Variants in LYZL2 observed in about 807,000 individuals in gnomAD.
The protein encoded by LYZL2 is lysozyme like 2.
LYZL2 carries 13 observed loss-of-function variants against 17.1 expected under a neutral mutation model. The ratio of observed to expected loss-of-function variants is 0.76; its 90% CI spans 0.49 to 1.21. The LOEUF (loss-of-function observed/expected upper bound fraction) is 1.21, where lower values mean the gene tolerates loss of function less well. LYZL2 is among the 50% of genes most tolerant of loss of function. LYZL2 has a pLI of 0.00. For synonymous variants in LYZL2, 63 were observed against 74.4 expected, an observed-to-expected ratio of 0.85 and a Z score of 0.79; for missense variants, 166 against 189.2, an observed-to-expected ratio of 0.88 and a Z score of 0.72.
At chr10:30,612,308 G>T (rs1838458595) in intron 4 of LYZL2, among the ~76,000 whole-genome samples, 1 of 152,186 alleles carries the variant, frequency 6.6e-6, no homozygotes. Flanking sequence ...CCTGAGTGGG[G>T]CCGGCTGGCA....
intron 3 of LYZL2, among the ~76,000 whole-genome samples, chr10:30,620,804 C>G (rs1838607322): frequency 6.7e-6 from 1 of 150,326 alleles, no homozygotes; most frequent in Non-Finnish European, 1.5e-5. Flanking sequence ...ATTATGATGC[C>G]AAATAAAAAA....
chr10:30,614,090 C>A (rs1419785622), intron 3 of LYZL2, among the ~76,000 whole-genome samples: 1 of 152,188 alleles, frequency 6.6e-6, no homozygotes, highest in Non-Finnish European at 1.5e-5. Context: ...TTCTTTCCTG[C>A]TTGCTTAGAA....
At chr10:30,616,867 TATACTTTTAATTTTTCTA>T (rs1838535550) in intron 3 of LYZL2, among the ~76,000 whole-genome samples, 2 of 17,480 alleles carry the variant, frequency 1.1e-4, no homozygotes, top group South Asian at 1.6e-3. Context: ...ATAATGAAAA[TATACTTTTAATTTTTCTA>T]GTAATTATTT....
chr10:30,613,326 ATC>A (rs1838475433), intron 3 of LYZL2, among the ~76,000 whole-genome samples: 2 of 152,078 alleles, frequency 1.3e-5, no homozygotes, highest in Non-Finnish European at 2.9e-5. Flanking sequence ...GCAAGACCTC[ATC>A]TCTACAAAAT....
chr10:30,624,036 C>T (rs1303529890), intron 3 of LYZL2, among the ~76,000 whole-genome samples: 1 of 152,166 alleles, frequency 6.6e-6, no homozygotes, highest in African/African-American at 2.4e-5. Context: ...CCTTGTTTCC[C>T]GAACTATGTT....
downstream of LYZL2, among the ~76,000 whole-genome samples, chr10:30,610,122 TA>T (rs5784209): frequency 0.86 from 129,071 of 150,232 alleles, 55,961 homozygotes; most frequent in African/African-American, 0.93. Flanking sequence ...GCTGATGAGC[TA>T]AAAAAAAAAA....
chr10:30,624,675 GGCATAT>G (rs1271507943), intron 3 of LYZL2, among the ~76,000 whole-genome samples: 1 of 152,196 alleles, frequency 6.6e-6, no homozygotes, highest in African/African-American at 2.4e-5. Flanking sequence ...TAGAACTACA[GGCATAT>G]GCCTGGCTAT....
the LYZL2 span, among the ~76,000 whole-genome samples, chr10:30,606,651 AGTGTCTT>A: frequency 1.3e-5 from 2 of 152,136 alleles, no homozygotes; most frequent in Non-Finnish European, 2.9e-5. Flanking sequence ...ACAGAACTTC[AGTGTCTT>A]GTCTGTACTC....
chr10:30,626,660 G>A (rs1838711875), intron 2 of LYZL2, 117 bp downstream of exon 2: 2 of 1,488,328 alleles, frequency 1.3e-6, no homozygotes, highest in East Asian at 2.3e-5. Flanking sequence ...ACCCCTGGGT[G>A]TGGTGAGGGC....
intron 3 of LYZL2, among the ~76,000 whole-genome samples, chr10:30,622,152 G>A (rs1384219572): frequency 6.6e-6 from 1 of 151,984 alleles, no homozygotes; most frequent in African/African-American, 2.4e-5. Flanking sequence ...AAATAAAAGA[G>A]AATACTAAAA....
chr10:30,612,121 G>A (rs1365851272), intron 4 of LYZL2, 97 bp from the exon 5 acceptor site: 3 of 1,442,106 alleles, frequency 2.1e-6, no homozygotes, highest in East Asian at 2.3e-5. Context: ...AATCGCCAGC[G>A]GAACCCTGGG....
At chr10:30,614,973 A>T (rs116034408) in intron 3 of LYZL2, among the ~76,000 whole-genome samples, 3 of 152,228 alleles carry the variant, frequency 2.0e-5, no homozygotes, top group African/African-American at 7.2e-5. Flanking sequence ...TCATTTAATA[A>T]AATAAAGAGC....
In LYZL2 at chr10:30,622,309, G is replaced by A. The variant is rs542405145; in HGVS notation, c.298+3796C>T. Among the ~76,000 whole-genome samples, 3 of 152,280 alleles carry A rather than the reference G, an allele frequency of 2.0e-5. No individual in the cohort carries two copies. In the South Asian group the frequency reaches 6.2e-4, roughly 32 times the overall value. On this transcript the variant is annotated intron_variant, in intron 3 of 4. Transcript: ENST00000647634. ...CTTCTGTAATCCCAGCACTTTGGGA[G>A]GCCAAGGTAGGCAGATCACAAGGTC...
intron 4 of LYZL2, 50 bp downstream of exon 4, chr10:30,612,772 C>T: frequency 7.3e-7 from 1 of 1,376,292 alleles, no homozygotes; most frequent in Non-Finnish European, 1.0e-6. Context: ...TAAATACACA[C>T]ACTAGGTTTT....
chr10:30,629,499 G>T, intron 1 of LYZL2, 94 bp downstream of exon 1: 1 of 1,259,158 alleles, frequency 7.9e-7, no homozygotes, highest in Non-Finnish European at 1.1e-6. Flanking sequence ...CCGTAGCAAT[G>T]ATAACCCCAA....
chr10:30,627,315 T>A (rs59309834), intron 1 of LYZL2, among the ~76,000 whole-genome samples: 37,211 of 148,620 alleles, frequency 0.25, 3,502 homozygotes, highest in South Asian at 0.35. Flanking sequence ...CCCTTGAACA[T>A]CATGGGTTTG....
In LYZL2 at chr10:30,626,926, T is replaced by C. The variant is rs1220279945; in HGVS notation, c.-11A>G. Reference sequence around the variant, plus strand: ...GCCCGCAGCCTTCATCCTCAAAGCCTGCCGGAGACAGAACCTGCCAAAGAG... The same window carrying C: ...GCCCGCAGCCTTCATCCTCAAAGCCCGCCGGAGACAGAACCTGCCAAAGAG... On this transcript the variant is annotated 5_prime_UTR_variant, in exon 2 of 5. Coordinates refer to ENST00000647634, the MANE Select transcript of LYZL2 (RefSeq NM_183058.3). 1 of 1,612,876 alleles carries C rather than the reference T, an allele frequency of 6.2e-7. No individual in the cohort carries two copies. The highest frequency in any genetic ancestry group is 8.5e-7 in the Non-Finnish European group (1 of 1,179,454).
intron 4 of LYZL2, 84 bp downstream of exon 4, chr10:30,612,738 T>G (rs1838463857): frequency 3.7e-6 from 4 of 1,067,816 alleles, no homozygotes; most frequent in Non-Finnish European, 5.7e-6. Context: ...GGAGGTGAGT[T>G]TGTCAATTCC....
intron 3 of LYZL2, among the ~76,000 whole-genome samples, chr10:30,615,814 T>A (rs1290080417): frequency 2.0e-5 from 3 of 152,196 alleles, no homozygotes; most frequent in Non-Finnish European, 4.4e-5. Context: ...TCATGGCTAG[T>A]GGTTCTGTTT....
Sources: gnomAD v4.1 joint callset for allele counts (sites outside exome capture counted in the v4.1 genomes callset) on GRCh38, gnomAD v4.1.1 for gene constraint, MANE v1.5 for transcripts, NCBI Gene and HGNC (gene_info 2026-07-23, HGNC 2026-07-21) for gene names.